LMBR1: variants seen among roughly 807,000 people sequenced by gnomAD.
LMBR1 encodes limb region 1 protein homolog.
A neutral mutation model predicts 73.9 loss-of-function variants in LMBR1; 52 were observed. The ratio of observed to expected loss-of-function variants is 0.70; its 90% CI spans 0.56 to 0.89. The LOEUF is 0.89. Ranked by LOEUF, LMBR1 falls within the 40% of genes least tolerant of loss-of-function variation. LMBR1 has a pLI of 0.00. For missense variants in LMBR1, 539 were observed against 579.8 expected (o/e 0.93, Z 0.72); for synonymous variants, 215 against 209.4 (o/e 1.03, Z -0.23).
intron 4 of LMBR1, among the ~76,000 whole-genome samples, chr7:156,672,090 A>G (rs1195708860): frequency 6.6e-6 from 1 of 152,200 alleles, no homozygotes; most frequent in Non-Finnish European, 1.5e-5. Flanking sequence ...TCTTATGTAT[A>G]TTAAAATATC....
intron 9 of LMBR1, among the ~76,000 whole-genome samples, chr7:156,750,297 C>CGTGTGT (rs60663497): frequency 3.5e-4 from 53 of 150,186 alleles, no homozygotes; most frequent in East Asian, 1.4e-3. Context: ...TGTGTGTGTA[C>CGTGTGT]GTGTGTGTGT....
intron 4 of LMBR1, among the ~76,000 whole-genome samples, chr7:156,815,333 T>C (rs1163480450): frequency 6.6e-6 from 1 of 151,998 alleles, no homozygotes; most frequent in Non-Finnish European, 1.5e-5. Flanking sequence ...CAGCAAAACC[T>C]ATATACATAG....
chr7:156,731,930 G>GA (rs1403462853), intron 10 of LMBR1, among the ~76,000 whole-genome samples: 1 of 149,584 alleles, frequency 6.7e-6, no homozygotes, highest in Non-Finnish European at 1.5e-5. Context: ...TATGTACCCT[G>GA]AAAAAACATA....
intron 15 of LMBR1, among the ~76,000 whole-genome samples, chr7:156,721,656 T>C (rs1814605347): frequency 6.6e-6 from 1 of 152,014 alleles, no homozygotes; most frequent in Non-Finnish European, 1.5e-5. Flanking sequence ...AGCATTACTT[T>C]TTCAGGGTTC....
In LMBR1 at chr7:156,678,641, G is replaced by A. The variant is rs773668990; in HGVS notation, c.*5437C>T. The A allele has an allele frequency of 1.2e-4, 18 of 152,132 alleles. No individual in the cohort carries two copies. Among genetic ancestry groups the A allele is most frequent in the Non-Finnish European group, 2.2e-4 (15 of 68,028 alleles). 9.4% of individuals were successfully genotyped at this position (152,132 alleles called of 1,614,324 possible). On this transcript the variant is annotated 3_prime_UTR_variant, in exon 17 of 17. Transcript: ENST00000353442. ...GGCCTTTGGAAACATGAGTTCATGG[G>A]AGGACTCAGCGGACAGGGAGAGCCC...
At chr7:156,707,265 G>C (rs1034083052) in intron 15 of LMBR1, among the ~76,000 whole-genome samples, 9 of 152,098 alleles carry the variant, frequency 5.9e-5, no homozygotes, top group African/African-American at 2.2e-4. Context: ...ACAAAGAAAA[G>C]CCCAGGACCA....
At chr7:156,731,238 A>G (rs1219627480) in intron 10 of LMBR1, among the ~76,000 whole-genome samples, 1 of 152,198 alleles carries the variant, frequency 6.6e-6, no homozygotes, top group Non-Finnish European at 1.5e-5. Flanking sequence ...ATCAGACTGA[A>G]GCATGAAGAT....
At chr7:156,734,033 A>T (rs1817381619) in intron 10 of LMBR1, 144 bp downstream of exon 10, 1 of 518,132 alleles carries the variant, frequency 1.9e-6, no homozygotes, top group South Asian at 3.8e-5. Flanking sequence ...CCCAAACTGT[A>T]AGATAGTCTT....
chr7:156,771,795 T>G (rs1039201273), intron 5 of LMBR1, among the ~76,000 whole-genome samples: 4 of 152,058 alleles, frequency 2.6e-5, no homozygotes, highest in Admixed American at 6.6e-5. Flanking sequence ...AAAGAAAACT[T>G]CACACCAATA....
At chr7:156,888,028 CG>C (rs769841358) in intron 1 of LMBR1, among the ~76,000 whole-genome samples, 1 of 152,240 alleles carries the variant, frequency 6.6e-6, no homozygotes, top group South Asian at 2.1e-4. Context: ...GGTGAAGATG[CG>C]GAAGAACCAG....
intron 9 of LMBR1, among the ~76,000 whole-genome samples, chr7:156,752,171 A>C (rs540687560): frequency 6.6e-6 from 1 of 152,342 alleles, no homozygotes; most frequent in East Asian, 1.9e-4. Context: ...GAAGATAAGG[A>C]CTACGAAGTC....
rs1199112296 is a variant in LMBR1 at position 156,858,388 on chromosome 7, C to T, written c.67-21503G>A. ...ACCAAAACTTCCAAGTCAAACAAATCATATTACTAGTTCTATGTCTATTAA... is the reference window on the plus strand; with the variant it reads ...ACCAAAACTTCCAAGTCAAACAAATTATATTACTAGTTCTATGTCTATTAA... On this transcript the variant is annotated intron_variant, in intron 1 of 16. Coordinates refer to ENST00000353442, the MANE Select transcript of LMBR1 (RefSeq NM_022458.4). Among the ~76,000 whole-genome samples, 6 of 152,284 alleles carry T rather than the reference C, an allele frequency of 3.9e-5. No individual in the cohort carries two copies. The East Asian group carries it at 1.2e-3, about 29-fold the overall frequency.
In LMBR1 at chr7:156,789,527, T is replaced by G. The variant is rs139601576; in HGVS notation, c.423+6862A>C. 3.5e-3 allele frequency among the ~76,000 whole-genome samples: 537 copies of G among 152,306 alleles called. 6 individuals carry two copies. The highest frequency in any genetic ancestry group is 0.012 in the African/African-American group (511 of 41,572). ...TCTGGTATACTAAATGACAAATAAA[T>G]GGACTGTAAATTAATGTACCAAGGT... On this transcript the variant is annotated intron_variant, in intron 5 of 16. Transcript: ENST00000353442.
intron 12 of LMBR1, chr7:156,726,145 A>G (rs1166578106): frequency 4.1e-6 from 1 of 242,788 alleles, no homozygotes; most frequent in Non-Finnish European, 7.8e-6. Context: ...CTTGAGGAAA[A>G]AAATCCTGAA....
At chr7:156,748,700 G>T (rs570464215) in intron 9 of LMBR1, among the ~76,000 whole-genome samples, 260 of 152,190 alleles carry the variant, frequency 1.7e-3, no homozygotes, top group African/African-American at 5.6e-3. Context: ...TGTTGGCCAG[G>T]CTGGTCTTGA....
At chr7:156,733,393 C>T (rs775632924) in intron 10 of LMBR1, among the ~76,000 whole-genome samples, 1 of 151,950 alleles carries the variant, frequency 6.6e-6, no homozygotes, top group Non-Finnish European at 1.5e-5. Context: ...TAACTATATT[C>T]TATATTTTCA....
chr7:156,770,854 C>T (rs1342813488), intron 5 of LMBR1, among the ~76,000 whole-genome samples: 1 of 152,112 alleles, frequency 6.6e-6, no homozygotes, highest in East Asian at 1.9e-4. Context: ...TTTGAGGTTA[C>T]AGTGAGCTAT....
chr7:156,808,901 G>A (rs561953097), intron 4 of LMBR1, among the ~76,000 whole-genome samples: 8 of 152,100 alleles, frequency 5.3e-5, no homozygotes, highest in Middle Eastern at 3.4e-3. Context: ...AACACTTCAC[G>A]TAGAGCATGA....
chr7:156,824,067 G>A (rs1563456656), intron 4 of LMBR1: 1 of 151,782 alleles, frequency 6.6e-6, no homozygotes, highest in African/African-American at 2.4e-5. Context: ...CCCAGCCTGG[G>A]TGACAGAGAG....
Sources: allele counts gnomAD v4.1 joint callset (sites outside exome capture counted in the v4.1 genomes callset), GRCh38; gene constraint gnomAD v4.1.1; transcripts MANE v1.5; gene names NCBI Gene and HGNC (gene_info 2026-07-23, HGNC 2026-07-21).